ADGRF5: variants seen among roughly 807,000 people sequenced by gnomAD.
ADGRF5 encodes the protein adhesion G protein-coupled receptor F5.
ADGRF5 carries 75 observed loss-of-function variants against 132.3 expected under a neutral mutation model. That is an observed-to-expected ratio of 0.57 (90% confidence interval 0.47 to 0.69). The LOEUF is 0.69. Among genes scored for constraint, ADGRF5 ranks in the 30% least tolerant of loss-of-function variants. The pLI is 0.00. For synonymous variants in ADGRF5, 629 were observed against 597.6 expected (o/e 1.05, Z -0.77); for missense variants, 1,516 against 1,630.6 (o/e 0.93, Z 1.21).
intron 10 of ADGRF5, among the ~76,000 whole-genome samples, chr6:46,876,603 T>TTTGTTG (rs536254666): frequency 1.3e-5 from 2 of 152,134 alleles, no homozygotes; most frequent in Non-Finnish European, 2.9e-5. Context: ...ATTGATAGTT[T>TTTGTTG]TTGTTGTTGT....
chr6:46,861,788 T>G (rs192864562), intron 15 of ADGRF5, among the ~76,000 whole-genome samples: 1 of 152,352 alleles, frequency 6.6e-6, no homozygotes, highest in Admixed American at 6.5e-5. Context: ...TAGAGCAGCA[T>G]GATCCTTTTC....
upstream of ADGRF5, among the ~76,000 whole-genome samples, chr6:46,923,508 G>C (rs1204202411): frequency 6.6e-6 from 1 of 152,140 alleles, no homozygotes; most frequent in Non-Finnish European, 1.5e-5. Flanking sequence ...TCCACTTCTA[G>C]ATAATGATTC....
intron 20 of ADGRF5, chr6:46,854,660 GGAGTGGGCAGA>G: frequency 2.0e-6 from 2 of 1,005,344 alleles, no homozygotes; most frequent in South Asian, 2.6e-5. Context: ...CTGTGCACAG[GGAGTGGGCAGA>G]GAGTGTGTGT....
Position 46,859,066 on chromosome 6 carries a change from C to T in ADGRF5, c.2837G>A (p.Ser946Asn), listed in dbSNP as rs1485765986. The change falls in exon 17 of 21, where the codon AGC becomes AAC. Residue 946 changes from serine to asparagine, a missense_variant. This residue lies in a region of ADGRF5 where 571 missense variants were observed against 701.2 expected (regional missense o/e 0.81). Transcript: ENST00000283296. The stretch of plus-strand genomic sequence containing the variant: ...ACACTTCGTTTCGCCGCCTGAAGGG[C>T]TATTGTTCTTAAAAGTCATTGAAAT... ...FRISMTFKNNSPSGGETKCVF... is the reference protein window; with the variant it reads ...FRISMTFKNNNPSGGETKCVF... The T allele has an allele frequency of 1.2e-6, 2 of 1,614,006 alleles. No individual in the cohort carries two copies. Among genetic ancestry groups the T allele is most frequent in the African/African-American group, 2.7e-5 (2 of 74,914 alleles).
At position 46,863,003 on chromosome 6, in the gene ADGRF5, C is replaced by G. The variant is rs141610704; in HGVS notation, c.2084G>C (p.Ser695Thr). 2.4e-3 allele frequency: 3,863 copies of G among 1,613,798 alleles called. 11 individuals are homozygous for G. The highest frequency in any genetic ancestry group is 2.7e-3 in the Non-Finnish European group (3,167 of 1,179,774). Reference protein sequence around the residue: ...KLCRFSNVPSSPESPIGGTIT... With the variant: ...KLCRFSNVPSTPESPIGGTIT... ...GGTCCCGCCAATGGGACTCTCAGGG[C>G]TGCTGGGAACGTTTGAGAACCGGCA... Residue 695 changes from serine to threonine, a missense_variant, in exon 15 of 21, where the codon AGC (serine) becomes ACC (threonine). This residue lies in a region of ADGRF5 where 945 missense variants were observed against 929.4 expected (regional missense o/e 1.02). Coordinates refer to ENST00000283296, the MANE Select transcript of ADGRF5 (RefSeq NM_001098518.2).
At chr6:46,918,152 T>G (rs1341950849) in intron 1 of ADGRF5, among the ~76,000 whole-genome samples, 1 of 152,262 alleles carries the variant, frequency 6.6e-6, no homozygotes, top group African/African-American at 2.4e-5. Flanking sequence ...TCACACCATG[T>G]GATTTGAAAT....
rs546198872 is a variant in ADGRF5, at chr6:46,871,850, G to A, written c.1404C>T (p.Ile468=). The part of the protein sequence containing the change: ...RGSANIKVTF[I]SVANLTITPD... The stretch of plus-strand genomic sequence containing the variant: ...GCTAGGGAGAGTCCTTACCCACAGA[G>A]ATGAATGTCACTTTTATGTTTGCAC... Residue 468 remains isoleucine, a synonymous_variant, in exon 11 of 21, where the codon ATC becomes ATT. Coordinates refer to ENST00000283296, the MANE Select transcript of ADGRF5 (RefSeq NM_001098518.2). 7.4e-5 allele frequency: 118 copies of A among 1,595,916 alleles called. 3 individuals are homozygous for A. In the South Asian group the frequency reaches 1.2e-3, roughly 16 times the overall value.
At chr6:46,863,480 G>A (rs1157681439) in intron 14 of ADGRF5, among the ~76,000 whole-genome samples, 2 of 152,178 alleles carry the variant, frequency 1.3e-5, no homozygotes, top group African/African-American at 4.8e-5. Flanking sequence ...TGATTCCAGT[G>A]TGCTGTCAAG....
chr6:46,878,735 C>T (rs186585194), intron 9 of ADGRF5, among the ~76,000 whole-genome samples: 22 of 152,184 alleles, frequency 1.4e-4, no homozygotes, highest in Middle Eastern at 6.8e-3. Flanking sequence ...GTAATATTGC[C>T]GTAGTATTTA....
chr6:46,925,342 A>G (rs1353423493), upstream of ADGRF5, among the ~76,000 whole-genome samples: 9 of 152,178 alleles, frequency 5.9e-5, no homozygotes, highest in Admixed American at 1.3e-4. Context: ...TGACAGCCAT[A>G]TCTTACATTT....
At chr6:46,864,419 C>T (rs1017512702) in intron 14 of ADGRF5, among the ~76,000 whole-genome samples, 17 of 152,208 alleles carry the variant, frequency 1.1e-4, no homozygotes, top group Non-Finnish European at 2.1e-4. Flanking sequence ...CCCAAAGGAC[C>T]TCAACCACAT....
intron 7 of ADGRF5, among the ~76,000 whole-genome samples, chr6:46,881,841 T>C (rs926282107): frequency 4.6e-5 from 7 of 152,234 alleles, no homozygotes; most frequent in African/African-American, 1.7e-4. Flanking sequence ...GCAAAATTTT[T>C]TGCACATATA....
chr6:46,856,579 G>A, intron 19 of ADGRF5, 139 bp downstream of exon 19: 1 of 634,614 alleles, frequency 1.6e-6, no homozygotes, highest in Non-Finnish European at 2.8e-6. Context: ...AGCTGTTGAG[G>A]GAGACAGGTT....
At chr6:46,954,046 A>G (rs190078898) in intron 1 of ADGRF5, among the ~76,000 whole-genome samples, 32 of 152,196 alleles carry the variant, frequency 2.1e-4, no homozygotes, top group African/African-American at 6.3e-4. Context: ...TTGAGCCTCA[A>G]TGGTGACCAA....
chr6:46,883,224 T>C (rs1772673462), intron 6 of ADGRF5, among the ~76,000 whole-genome samples: 1 of 152,206 alleles, frequency 6.6e-6, no homozygotes, highest in Non-Finnish European at 1.5e-5. Context: ...GTTTCATTCA[T>C]GTGATATATG....
At position 46,941,428 on chromosome 6, in the gene ADGRF5, AAAG is replaced by A. The variant is rs1202069249; in HGVS notation, c.-25+13303_-25+13305del. Among the ~76,000 whole-genome samples, 318 of 58,692 alleles carry A rather than the reference AAAG, an allele frequency of 5.4e-3. 1 individual carries two copies. Among genetic ancestry groups the A allele is most frequent in the African/African-American group, 0.016 (268 of 16,848 alleles). 38.5% of individuals were successfully genotyped at this position (58,692 alleles called of 152,430 possible). On this transcript the variant is annotated intron_variant, in intron 1 of 20. Coordinates refer to the ADGRF5 transcript ENST00000265417. ...AAAGAAAAGAAAAGAAAAGAAAAGAAAAGAAAAGAAAAGAAAAGAAAAGAAAAG... is the reference window on the plus strand; with the variant it reads ...AAAGAAAAGAAAAGAAAAGAAAAGAAAAAAGAAAAGAAAAGAAAAGAAAAG...
rs9395218 is a variant in ADGRF5, at chr6:46,859,502, C to T, written c.2401G>A (p.Val801Ile). Residue 801 changes from valine (V) to isoleucine (I), a missense_variant, in exon 17 of 21, where the codon GTC (valine) becomes ATC (isoleucine). By Grantham distance (29) the Val-to-Ile change is conservative (BLOSUM62 3). Around this residue, in one of 2 missense-constraint regions of ADGRF5, gnomAD observed 571 missense variants for 701.2 expected, o/e 0.81. Coordinates refer to ENST00000283296, the MANE Select transcript of ADGRF5 (RefSeq NM_001098518.2). ...TTCAAGACGGGCTTGCCAAGGATGA[C>T]ATTAACCGTAGAGAGCACGTGCTGA... ...MMTHVLSTVNVILGKPVLNTW... is the reference protein window; with the variant it reads ...MMTHVLSTVNIILGKPVLNTW... 0.21 allele frequency: 340,858 copies of T among 1,609,296 alleles called. 38,468 individuals carry two copies. The highest frequency in any genetic ancestry group is 0.38 in the East Asian group (16,951 of 44,804).
intron 3 of ADGRF5, among the ~76,000 whole-genome samples, chr6:46,890,671 C>G (rs1245854262): frequency 6.6e-6 from 1 of 151,854 alleles, no homozygotes; most frequent in Non-Finnish European, 1.5e-5. Context: ...GAGCTGATAT[C>G]GTGCCACTGC....
intron 1 of ADGRF5, among the ~76,000 whole-genome samples, chr6:46,941,404 A>AAGAAAAGAAAAGAAAAGAAAAG (rs1778051383): frequency 1.8e-4 from 6 of 32,948 alleles, no homozygotes; most frequent in African/African-American, 8.3e-4. Context: ...AAGAAAAGAA[A>AAGAAAAGAAAAGAAAAGAAAAG]AGAAAAGAAA....
Sources: allele counts gnomAD v4.1 joint callset (sites outside exome capture counted in the v4.1 genomes callset), GRCh38; gene constraint gnomAD v4.1.1; regional missense constraint gnomAD v4.1.1; transcripts MANE v1.5; gene names NCBI Gene and HGNC (gene_info 2026-07-23, HGNC 2026-07-21).